The following TMEM74 variants were observed in gnomAD, a reference collection of about 807,000 sequenced individuals.
TMEM74 encodes the protein transmembrane protein 74.
Under a neutral mutation model 18.1 loss-of-function variants are expected in TMEM74, and 13 were observed. The ratio of observed to expected loss-of-function variants is 0.72; its 90% CI spans 0.47 to 1.14. The LOEUF (loss-of-function observed/expected upper bound fraction) is 1.14, where lower values mean the gene tolerates loss of function less well. Among genes scored for constraint, TMEM74 ranks in the 50% most tolerant of loss-of-function variants. The pLI is 0.00. For synonymous variants in TMEM74, 159 were observed against 146.6 expected (o/e 1.08, Z -0.61); for missense variants, 372 against 375.9 (o/e 0.99, Z 0.09).
At chr8:108,723,346 CAA>C (rs1813604085) in intron 1 of TMEM74, among the ~76,000 whole-genome samples, 2 of 152,040 alleles carry the variant, frequency 1.3e-5, no homozygotes, top group African/African-American at 4.8e-5. Context: ...ATGTCCTTGG[CAA>C]AATCAGAAAA....
At chr8:108,718,861 G>A (rs1170189007) in intron 1 of TMEM74, among the ~76,000 whole-genome samples, 1 of 151,516 alleles carries the variant, frequency 6.6e-6, no homozygotes, top group Non-Finnish European at 1.5e-5. Flanking sequence ...GTTTAAATGT[G>A]CTCATTTTTA....
intron 1 of TMEM74, among the ~76,000 whole-genome samples, chr8:108,682,110 A>G (rs770941595): frequency 2.8e-4 from 43 of 152,278 alleles, no homozygotes; most frequent in Non-Finnish European, 5.7e-4. Flanking sequence ...AATCAAATAC[A>G]AAATTTCTGG....
At chr8:108,668,609 A>C (rs1193389520) in intron 1 of TMEM74, among the ~76,000 whole-genome samples, 1 of 152,150 alleles carries the variant, frequency 6.6e-6, no homozygotes, top group Admixed American at 6.6e-5. Flanking sequence ...CACTTCAGTG[A>C]CTTATTTTAA....
intron 1 of TMEM74, among the ~76,000 whole-genome samples, chr8:108,660,443 G>A (rs140740799): frequency 8.4e-4 from 128 of 152,252 alleles, no homozygotes; most frequent in African/African-American, 3.1e-3. Context: ...TGGGCTAGAT[G>A]CCAAGTCTTA....
chr8:108,640,115 CTTTTTTTTTTTTTT>C (rs35455409), intron 2 of TMEM74, among the ~76,000 whole-genome samples: 1 of 78,888 alleles, frequency 1.3e-5, no homozygotes, highest in Admixed American at 1.7e-4. Context: ...ATAGTAATCA[CTTTTTTTTTTTTTT>C]TTTTTTTTTT....
chr8:108,628,236 A>T (rs1042488377), intron 2 of TMEM74, among the ~76,000 whole-genome samples: 12 of 151,972 alleles, frequency 7.9e-5, no homozygotes, highest in African/African-American at 2.4e-4. Context: ...GAGGCTATAG[A>T]GTTATCTCAA....
intron 2 of TMEM74, among the ~76,000 whole-genome samples, chr8:108,617,937 C>G (rs1238569807): frequency 6.6e-6 from 1 of 152,078 alleles, no homozygotes. Flanking sequence ...CTGGAAGCAC[C>G]AGCATGGGTC....
intron 1 of TMEM74, among the ~76,000 whole-genome samples, chr8:108,705,674 G>A (rs1458542803): frequency 3.3e-5 from 5 of 151,862 alleles, no homozygotes; most frequent in African/African-American, 7.3e-5. Context: ...AATGGAGCTC[G>A]TACATCTTTT....
intron 2 of TMEM74, among the ~76,000 whole-genome samples, chr8:108,651,368 T>C (rs1312366494): frequency 6.6e-6 from 1 of 152,296 alleles, no homozygotes; most frequent in East Asian, 1.9e-4. Flanking sequence ...TTCCTGTGTT[T>C]TTCCTCTCTT....
intron 2 of TMEM74, among the ~76,000 whole-genome samples, chr8:108,616,585 T>C (rs985486244): frequency 1.3e-5 from 2 of 152,218 alleles, no homozygotes; most frequent in Non-Finnish European, 2.9e-5. Flanking sequence ...ATGGCAGATA[T>C]ATGTTCTTGG....
At chr8:108,655,503 TA>T (rs1202714625) in intron 1 of TMEM74, 1 of 151,862 alleles carries the variant, frequency 6.6e-6, no homozygotes, top group Non-Finnish European at 1.5e-5. Context: ...TGATCTGTGG[TA>T]CGTTTAAAAA....
intron 1 of TMEM74, among the ~76,000 whole-genome samples, chr8:108,749,911 C>A (rs1813887744): frequency 6.6e-6 from 1 of 152,110 alleles, no homozygotes; most frequent in African/African-American, 2.4e-5. Flanking sequence ...TGGTCTAGAG[C>A]TGAAAAGTAG....
At chr8:108,652,417 T>C (rs1200490384) in intron 2 of TMEM74, 2 of 312,124 alleles carry the variant, frequency 6.4e-6, no homozygotes, top group East Asian at 1.6e-4. Flanking sequence ...CACAGTCACC[T>C]GGAATATCTG....
intron 1 of TMEM74, among the ~76,000 whole-genome samples, chr8:108,715,133 T>C (rs1246215664): frequency 6.6e-6 from 1 of 152,192 alleles, no homozygotes; most frequent in Non-Finnish European, 1.5e-5. Context: ...ATTTTCTTTT[T>C]TAAATATCAA....
chr8:108,786,728 CTCT>C (rs1814390246), intron 1 of TMEM74, among the ~76,000 whole-genome samples: 1 of 152,216 alleles, frequency 6.6e-6, no homozygotes, highest in South Asian at 2.1e-4. Context: ...TTACCGATAA[CTCT>C]TCTTCCAGTT....
chr8:108,756,717 A>G (rs1370870430), intron 1 of TMEM74, among the ~76,000 whole-genome samples: 188 of 103,742 alleles, frequency 1.8e-3, no homozygotes, highest in East Asian at 5.2e-3. Flanking sequence ...AGAAAGAAAG[A>G]AAGAGAAAGA....
At chr8:108,775,400 G>A (rs188288451), downstream of TMEM74, among the ~76,000 whole-genome samples, 34 of 152,238 alleles carry the variant, frequency 2.2e-4, no homozygotes, top group Non-Finnish European at 3.8e-4. Flanking sequence ...TACAAGTTTG[G>A]GGACTCAAAT....
intron 1 of TMEM74, among the ~76,000 whole-genome samples, chr8:108,726,931 G>C (rs1813644898): frequency 6.6e-6 from 1 of 152,154 alleles, no homozygotes; most frequent in Non-Finnish European, 1.5e-5. Context: ...ATATTACAGA[G>C]CATGGTCCAG....
At chr8:108,648,963 A>G (rs957160675) in intron 2 of TMEM74, among the ~76,000 whole-genome samples, 6 of 152,170 alleles carry the variant, frequency 3.9e-5, no homozygotes, top group Admixed American at 3.9e-4. Context: ...AAAGCAAAAG[A>G]GTATTTATAT....
Sources: allele counts gnomAD v4.1 joint callset (sites outside exome capture counted in the v4.1 genomes callset), GRCh38; gene constraint gnomAD v4.1.1; transcripts MANE v1.5; gene names NCBI Gene and HGNC (gene_info 2026-07-23, HGNC 2026-07-21).